FYB1: variants seen among roughly 807,000 people sequenced by gnomAD.
The protein encoded by FYB1 is FYN-binding protein 1.
Under a neutral mutation model 94.1 loss-of-function variants are expected in FYB1, and 41 were observed. The observed-to-expected ratio is 0.44, with a 90% confidence interval of 0.34 to 0.57. The LOEUF is 0.57. Among genes scored for constraint, FYB1 ranks in the 20% least tolerant of loss-of-function variants. The probability of loss-of-function intolerance (pLI) is 0.02; values close to 1 mark genes in which losing one functional copy is unlikely to be tolerated. For missense variants in FYB1, 1,050 were observed against 976.8 expected (o/e 1.07, Z -1.00); for synonymous variants, 367 against 353.2 (o/e 1.04, Z -0.44).
chr5:39,269,047 T>C (rs1279205744), intron 1 of FYB1, among the ~76,000 whole-genome samples: 2 of 152,066 alleles, frequency 1.3e-5, no homozygotes, highest in African/African-American at 4.8e-5. Flanking sequence ...TGTTTTCTTT[T>C]CTTTTCTTTT....
Position 39,105,471 on chromosome 5 carries a change from C to T in FYB1, c.*1972G>A, listed in dbSNP as rs569723578. 1.6e-4 allele frequency: 25 copies of T among 152,116 alleles called. No individual in the cohort carries two copies. The highest frequency in any genetic ancestry group is 5.5e-4 in the African/African-American group (23 of 41,484). 9.4% of individuals were successfully genotyped at this position (152,116 alleles called of 1,614,324 possible). On this transcript the variant is annotated 3_prime_UTR_variant, in exon 19 of 19. Coordinates refer to ENST00000512982, the MANE Select transcript of FYB1 (RefSeq NM_001465.6). ...AAATATTCTCTTGATCTAACTTTGA[C>T]TTTTAAAAACTGACATTGTACTGAA...
At chr5:39,160,922 C>T (rs1449953802) in intron 2 of FYB1, among the ~76,000 whole-genome samples, 1 of 152,210 alleles carries the variant, frequency 6.6e-6, no homozygotes, top group Non-Finnish European at 1.5e-5. Context: ...AAACTGCCAC[C>T]TGTGCTCGAA....
chr5:39,204,327 C>T (rs562602588), intron 1 of FYB1, among the ~76,000 whole-genome samples: 1 of 152,166 alleles, frequency 6.6e-6, no homozygotes, highest in Non-Finnish European at 1.5e-5. Context: ...CATTATTTAA[C>T]CCCATTTCAC....
At chr5:39,130,760 T>C (rs1338825341) in intron 9 of FYB1, 148 bp from the exon 10 acceptor site, 1 of 624,918 alleles carries the variant, frequency 1.6e-6, no homozygotes, top group East Asian at 2.8e-5. Context: ...GGAAAAAATG[T>C]TCCTTATCAT....
intron 1 of FYB1, among the ~76,000 whole-genome samples, chr5:39,272,725 C>T (rs1752701227): frequency 6.6e-6 from 1 of 150,840 alleles, no homozygotes; most frequent in Non-Finnish European, 1.5e-5. Flanking sequence ...CTACAATTTC[C>T]TCTCTATACC....
intron 3 of FYB1, among the ~76,000 whole-genome samples, chr5:39,150,183 T>C (rs571667778): frequency 2.0e-5 from 3 of 151,974 alleles, no homozygotes; most frequent in Admixed American, 1.3e-4. Context: ...TGAAACTGAG[T>C]TGTTATCTGG....
intron 2 of FYB1, among the ~76,000 whole-genome samples, chr5:39,195,625 G>A (rs1023335159): frequency 3.9e-5 from 6 of 152,190 alleles, no homozygotes; most frequent in African/African-American, 4.8e-5. Context: ...GTGCTTAACT[G>A]ATCATTCCTA....
intron 3 of FYB1, among the ~76,000 whole-genome samples, chr5:39,144,643 A>G (rs1451217164): frequency 2.0e-5 from 3 of 152,144 alleles, no homozygotes; most frequent in African/African-American, 7.2e-5. Flanking sequence ...CTCTACTAAA[A>G]ATACAAAAAT....
chr5:39,202,869 C>G lies in FYB1; in HGVS notation c.92G>C (p.Gly31Ala). Residue 31 changes from glycine (G) to alanine (A), a missense_variant, in exon 2 of 19, where the codon GGA becomes GCA. Gly to Ala is a moderately conservative substitution (Grantham distance 60, BLOSUM62 0). Transcript: ENST00000512982. Reference protein sequence around the residue: ...FRVTGPNSSSGIQARKNLFNN... With the variant: ...FRVTGPNSSSAIQARKNLFNN... The stretch of plus-strand genomic sequence containing the variant: ...GAATAAGTTCTTTCTTGCTTGTATT[C>G]CTGAAGATGAGTTTGGCCCTGTGAC... 2.5e-6 allele frequency: 4 copies of G among 1,613,946 alleles called. No homozygotes were observed. Among genetic ancestry groups the G allele is most frequent in the Non-Finnish European group, 3.4e-6 (4 of 1,179,894 alleles).
At chr5:39,127,099 T>G (rs1179467704) in intron 11 of FYB1, among the ~76,000 whole-genome samples, 1 of 150,850 alleles carries the variant, frequency 6.6e-6, no homozygotes, top group South Asian at 2.1e-4. Flanking sequence ...CTTAAACTTT[T>G]AAATATGCCA....
intron 1 of FYB1, among the ~76,000 whole-genome samples, chr5:39,215,992 G>GAGAGGT (rs1193302423): frequency 6.6e-6 from 1 of 152,140 alleles, no homozygotes; most frequent in Non-Finnish European, 1.5e-5. Context: ...CATTTTACAA[G>GAGAGGT]AGAGGTAGAG....
chr5:39,105,418 G>A lies in FYB1; in HGVS notation c.*2025C>T, dbSNP rs1200827317. 3 of 152,044 alleles carry A rather than the reference G, an allele frequency of 2.0e-5. No homozygotes were observed. Among genetic ancestry groups the A allele is most frequent in the Admixed American group, 2.0e-4 (3 of 15,260 alleles). 9.4% of individuals were successfully genotyped at this position (152,044 alleles called of 1,614,324 possible). ...AAATCTTTCCTAGGTATGTGTGTCT[G>A]TTTCTTGATGTGTAAACCAAAACTC... On this transcript the variant is annotated 3_prime_UTR_variant, in exon 19 of 19. Coordinates refer to ENST00000512982, the MANE Select transcript of FYB1 (RefSeq NM_001465.6).
In FYB1 at chr5:39,248,734, G is replaced by A. The variant is rs532181948; in HGVS notation, c.-28+25669C>T. ...CCCCTCTAATCCCAGCTACTCAGGA[G>A]TCTGAGACAGGAGAATCGCTTGAAC... is the stretch of plus-strand genomic sequence containing the variant. On this transcript the variant is annotated intron_variant, in intron 1 of 1. Coordinates refer to the FYB1 transcript ENST00000510188. Among the ~76,000 whole-genome samples, 19 of 152,208 alleles carry A rather than the reference G, an allele frequency of 1.2e-4. 1 individual carries two copies. The highest frequency in any genetic ancestry group is 3.9e-4 in the Admixed American group (6 of 15,294).
chr5:39,127,851 T>C lies in FYB1; in HGVS notation c.1841-44A>G, dbSNP rs776356728. On this transcript the variant is annotated intron_variant, in intron 10 of 18. Transcript: ENST00000512982. ...AAAATCTTCTGTTAATTTTATAATTTGGCCATGTAATGCTCACTCAGATTT... is the reference window on the plus strand; with the variant it reads ...AAAATCTTCTGTTAATTTTATAATTCGGCCATGTAATGCTCACTCAGATTT... 9 of 1,555,094 alleles carry C rather than the reference T, an allele frequency of 5.8e-6. No individual in the cohort carries two copies. The South Asian group carries it at 8.6e-5, about 15-fold the overall frequency.
At chr5:39,249,780 G>A (rs994911906) in intron 1 of FYB1, among the ~76,000 whole-genome samples, 1 of 152,164 alleles carries the variant, frequency 6.6e-6, no homozygotes, top group Non-Finnish European at 1.5e-5. Flanking sequence ...GAATACAAGA[G>A]GAGGAACAGA....
In FYB1 at chr5:39,265,115, C is replaced by T. The variant is rs189354274; in HGVS notation, c.-28+9288G>A. On this transcript the variant is annotated intron_variant, in intron 1 of 1. Coordinates refer to the FYB1 transcript ENST00000510188. Reference sequence around the variant, plus strand: ...CTTTGGGAGGCCGAGGTGGGTGGATCGCCTGAGGTCAGGAGTTCAAGACCA... The same window carrying T: ...CTTTGGGAGGCCGAGGTGGGTGGATTGCCTGAGGTCAGGAGTTCAAGACCA... Among the ~76,000 whole-genome samples the T allele has an allele frequency of 3.9e-5, 6 of 152,024 alleles. No individual in the cohort carries two copies. In the East Asian group the frequency reaches 5.8e-4, roughly 15 times the overall value.
rs1760372450 is a variant in FYB1 at position 39,106,307 on chromosome 5, G to A, written c.*1136C>T. On this transcript the variant is annotated 3_prime_UTR_variant, in exon 19 of 19. Coordinates refer to ENST00000512982, the MANE Select transcript of FYB1 (RefSeq NM_001465.6). Reference sequence around the variant, plus strand: ...GATGTACTCATTTTGTACTCTAGGAGTTGTTAAAAAGCACTTAATATCTTC... The same window carrying A: ...GATGTACTCATTTTGTACTCTAGGAATTGTTAAAAAGCACTTAATATCTTC... 6.6e-6 allele frequency: 1 copy of A among 152,098 alleles called. No homozygotes were observed. Among genetic ancestry groups the A allele is most frequent in the South Asian group, 2.1e-4 (1 of 4,836 alleles). 9.4% of individuals were successfully genotyped at this position (152,098 alleles called of 1,614,324 possible).
At chr5:39,114,196 T>C (rs1739322253) in intron 16 of FYB1, among the ~76,000 whole-genome samples, 1 of 152,070 alleles carries the variant, frequency 6.6e-6, no homozygotes, top group African/African-American at 2.4e-5. Context: ...ACATCTTTTG[T>C]AGAAAATTTT....
rs70982546 is a variant in FYB1 at position 39,154,504 on chromosome 5, CTT to C, written c.1136-902_1136-901del. Among the ~76,000 whole-genome samples the C allele has an allele frequency of 1.4e-3, 199 of 141,308 alleles. 1 individual carries two copies. Among genetic ancestry groups the C allele is most frequent in the African/African-American group, 2.7e-3 (105 of 38,324 alleles). The allele number at this position is 141,308 out of a possible 152,430, so 92.7% of individuals were successfully genotyped here. ...TTTTTTCATGTTTATAACCATTTTC[CTT>C]TTTTTTTTTTTTCCTTGTGAGAGGG... On this transcript the variant is annotated intron_variant, in intron 2 of 18. Coordinates refer to ENST00000512982, the MANE Select transcript of FYB1 (RefSeq NM_001465.6).
Sources: allele counts gnomAD v4.1 joint callset (sites outside exome capture counted in the v4.1 genomes callset), GRCh38; gene constraint gnomAD v4.1.1; transcripts MANE v1.5; gene names NCBI Gene and HGNC (gene_info 2026-07-23, HGNC 2026-07-21).